USP16: variants seen among roughly 807,000 people sequenced by gnomAD.
The protein encoded by USP16 is ubiquitin carboxyl-terminal hydrolase 16.
USP16 carries 77 observed loss-of-function variants against 95.9 expected under a neutral mutation model. That is an observed-to-expected ratio of 0.80 (90% CI 0.67 to 0.97). USP16 has a LOEUF of 0.97. Ranked by LOEUF, USP16 falls within the 50% of genes least tolerant of loss-of-function variation. USP16 has a pLI of 0.00. For synonymous variants in USP16, 303 were observed against 318.2 expected, an observed-to-expected ratio of 0.95 and a Z score of 0.51; for missense variants, 943 against 959.9, an observed-to-expected ratio of 0.98 and a Z score of 0.23.
chr21:29,042,859 TA>T (rs2085265558), intron 12 of USP16: 1 of 191,908 alleles, frequency 5.2e-6, no homozygotes, highest in Admixed American at 6.2e-5. Flanking sequence ...CCTAAGTTCA[TA>T]AATGTTAAAG....
chr21:29,037,877 TG>T (rs35358230), intron 6 of USP16, among the ~76,000 whole-genome samples: 91,184 of 152,120 alleles, frequency 0.6, 29,934 homozygotes, highest in South Asian at 0.76. Context: ...TGAGCCACCA[TG>T]CCTGGCCAAA....
At chr21:29,050,017 G>C (rs570929623) in intron 15 of USP16, 75 bp from the exon 16 acceptor site, 3 of 1,308,730 alleles carry the variant, frequency 2.3e-6, no homozygotes, top group Non-Finnish European at 3.2e-6. Flanking sequence ...TTTGGACGTC[G>C]GAGGGGACTT....
chr21:29,041,043 G>T (rs991528395), intron 10 of USP16, among the ~76,000 whole-genome samples: 2 of 152,242 alleles, frequency 1.3e-5, no homozygotes, highest in African/African-American at 4.8e-5. Flanking sequence ...AAGATTTAGG[G>T]CAGATCTGCC....
chr21:29,047,934 ATG>A (rs983151719), intron 14 of USP16, among the ~76,000 whole-genome samples: 1 of 151,064 alleles, frequency 6.6e-6, no homozygotes, highest in African/African-American at 2.4e-5. Flanking sequence ...TGTATCTTAT[ATG>A]TGTGTGTATG....
In USP16 at chr21:29,027,902, T is replaced by G; in HGVS notation, c.-12T>G. On this transcript the variant is annotated 5_prime_UTR_variant, in exon 2 of 18. The change abolishes the stop of an existing upstream ORF in the 5' untranslated region. Coordinates refer to ENST00000399976, the MANE Select transcript of USP16 (RefSeq NM_006447.3). ...TTATTTTGTGTCAGTAAGTAATCCA[T>G]AAAGTGCCAACATGGGAAAGAAACG... 3 of 1,613,572 alleles carry G rather than the reference T, an allele frequency of 1.9e-6. No homozygotes were observed. The Admixed American group carries it at 5.0e-5, about 27-fold the overall frequency.
intron 13 of USP16, 62 bp from the exon 14 acceptor site, chr21:29,046,605 T>C (rs1253657832): frequency 2.7e-6 from 4 of 1,494,638 alleles, no homozygotes; most frequent in Non-Finnish European, 3.6e-6. Context: ...CTATCTCTCT[T>C]CCTCCTTTTC....
intron 12 of USP16, 108 bp downstream of exon 12, chr21:29,042,636 G>T (rs1242543045): frequency 2.1e-6 from 2 of 960,038 alleles, no homozygotes; most frequent in African/African-American, 3.5e-5. Flanking sequence ...AGCCCATGCA[G>T]AAATTTTTCT....
In USP16 at chr21:29,030,665, A is replaced by C; in HGVS notation, c.132A>C (p.Glu44Asp). 1 of 1,614,048 alleles carries C rather than the reference A, an allele frequency of 6.2e-7. No individual in the cohort carries two copies. The highest frequency in any genetic ancestry group is 1.1e-5 in the South Asian group (1 of 91,050). The change falls in exon 3 of 18, where the codon GAA becomes GAC. Residue 44 changes from glutamate to aspartate, a missense_variant. Coordinates refer to ENST00000399976, the MANE Select transcript of USP16 (RefSeq NM_006447.3). ...TGAAAAAGGCTTTAGTGAATGTGGA[A>C]TGGAATATCTGCCAAGACTGTAAGA... ...GNLKKALVNV[E>D]WNICQDCKTD...
Position 29,046,655 on chromosome 21 carries a change from CT to C in USP16, c.1357-7del, listed in dbSNP as rs35788747. Reference sequence around the variant, plus strand: ...TTTCTTTATTTTTTGATGCCGTATACTTTTTACCCAGAACCAACGAAGACAA... The same window carrying C: ...TTTCTTTATTTTTTGATGCCGTATACTTTTACCCAGAACCAACGAAGACAA... On this transcript the variant is annotated splice_polypyrimidine_tract_variant and intron_variant, in intron 13 of 17. Transcript: ENST00000399976. 1 of 1,586,536 alleles carries C rather than the reference CT, an allele frequency of 6.3e-7. No homozygotes were observed. The highest frequency in any genetic ancestry group is 8.5e-7 in the Non-Finnish European group (1 of 1,170,438).
intron 15 of USP16, among the ~76,000 whole-genome samples, chr21:29,049,675 T>C (rs2085384378): frequency 6.6e-6 from 1 of 152,218 alleles, no homozygotes; most frequent in Non-Finnish European, 1.5e-5. Context: ...TCCTCCCACC[T>C]TAGCCTCTAT....
At chr21:29,026,543 T>G (rs1314170549) in intron 1 of USP16, 1 of 120,216 alleles carries the variant, frequency 8.3e-6, no homozygotes, top group Admixed American at 8.2e-5. Flanking sequence ...TTACCTTTTT[T>G]TTTTTTTTTT....
chr21:29,054,148 C>G lies in USP16; in HGVS notation c.2433C>G (p.Asn811Lys). 7 of 1,614,188 alleles carry G rather than the reference C, an allele frequency of 4.3e-6. No homozygotes were observed. Among genetic ancestry groups the G allele is most frequent in the Non-Finnish European group, 5.9e-6 (7 of 1,180,016 alleles). Residue 811 changes from asparagine to lysine, a missense_variant, in exon 18 of 18, where the codon AAC (asparagine) becomes AAG (lysine). Transcript: ENST00000399976. ...VQAVPTTKVL[N>K]SQAYLLFYER... ...CTGTGCCTACAACTAAAGTACTAAA[C>G]TCACAAGCGTACCTCCTATTTTATG...
chr21:29,034,715 C>A, intron 3 of USP16, 122 bp from the exon 4 acceptor site: 1 of 881,410 alleles, frequency 1.1e-6, no homozygotes, highest in Non-Finnish European at 1.8e-6. Context: ...CTAACATTTT[C>A]TTTTCAAGAT....
intron 13 of USP16, among the ~76,000 whole-genome samples, chr21:29,045,274 C>T (rs1436004685): frequency 6.6e-6 from 1 of 152,122 alleles, no homozygotes; most frequent in African/African-American, 2.4e-5. Flanking sequence ...ACAGAGTAGC[C>T]TCACAGGGGC....
intron 10 of USP16, 75 bp downstream of exon 10, chr21:29,040,762 A>G (rs1376487997): frequency 2.8e-6 from 2 of 712,934 alleles, no homozygotes; most frequent in Non-Finnish European, 2.2e-6. Context: ...GCTGGCACAT[A>G]TATTTCCAAG....
rs371253238 is a variant in USP16 at position 29,041,387 on chromosome 21, G to A, written c.1031-626G>A. 4.5e-4 allele frequency among the ~76,000 whole-genome samples: 68 copies of A among 152,170 alleles called. 1 individual carries two copies. The highest frequency in any genetic ancestry group is 1.5e-3 in the African/African-American group (64 of 41,538). The stretch of plus-strand genomic sequence containing the variant: ...TTTGAATAATGCTTATAGGTTTCAC[G>A]TATTTGGAAAATTGGCTGATCAAGT... On this transcript the variant is annotated intron_variant, in intron 10 of 17. Coordinates refer to ENST00000399976, the MANE Select transcript of USP16 (RefSeq NM_006447.3).
intron 3 of USP16, among the ~76,000 whole-genome samples, chr21:29,031,638 A>C (rs774510382): frequency 2.0e-5 from 3 of 152,174 alleles, no homozygotes; most frequent in Non-Finnish European, 4.4e-5. Context: ...GGGTTTTGCC[A>C]TGTTGGCCAG....
intron 2 of USP16, among the ~76,000 whole-genome samples, chr21:29,028,234 G>A (rs765471902): frequency 1.9e-4 from 28 of 148,610 alleles, no homozygotes; most frequent in Middle Eastern, 3.6e-3. Context: ...CGGTTCTCTC[G>A]TGCCTCAGCC....
At chr21:29,042,585 G>A (rs533110138) in intron 12 of USP16, 57 bp downstream of exon 12, 1 of 1,479,418 alleles carries the variant, frequency 6.8e-7, no homozygotes, top group Non-Finnish European at 9.2e-7. Flanking sequence ...AAGATTTTGT[G>A]GGGGGAAGCC....
Sources: gnomAD v4.1 joint callset for allele counts (sites outside exome capture counted in the v4.1 genomes callset) on GRCh38, gnomAD v4.1.1 for gene constraint, MANE v1.5 for transcripts, NCBI Gene and HGNC (gene_info 2026-07-23, HGNC 2026-07-21) for gene names.